Variants in NBAS observed in about 807,000 individuals in gnomAD.
NBAS encodes the protein NBAS subunit of NRZ tethering complex.
Under a neutral mutation model 302.5 loss-of-function variants are expected in NBAS, and 219 were observed. That is an observed-to-expected ratio of 0.72 (90% CI 0.65 to 0.81). NBAS has a LOEUF of 0.81. Among genes scored for constraint, NBAS ranks in the 30% least tolerant of loss-of-function variants. The pLI is 0.00. For synonymous variants in NBAS, 1,118 were observed against 1,021.6 expected, an observed-to-expected ratio of 1.09 and a Z score of -1.80; for missense variants, 2,932 against 2,841.6, an observed-to-expected ratio of 1.03 and a Z score of -0.72.
intron 31 of NBAS, 85 bp downstream of exon 31, chr2:15,374,523 C>A: frequency 8.7e-7 from 1 of 1,144,956 alleles, no homozygotes; most frequent in South Asian, 1.2e-5. Context: ...CAAAGCTACT[C>A]TTTAGTTTTA....
chr2:15,117,528 G>C, the NBAS span, among the ~76,000 whole-genome samples: 1 of 152,086 alleles, frequency 6.6e-6, no homozygotes. Context: ...TCTTGTCCTA[G>C]AGGAAAAAAG....
the NBAS span, among the ~76,000 whole-genome samples, chr2:14,802,357 G>T: frequency 6.6e-6 from 1 of 150,608 alleles, no homozygotes; most frequent in African/African-American, 2.5e-5. Context: ...ATTTCTGAGG[G>T]CTCTGTTCTG....
the NBAS span, among the ~76,000 whole-genome samples, chr2:14,924,056 C>T: frequency 2.0e-5 from 3 of 152,180 alleles, no homozygotes; most frequent in Non-Finnish European, 4.4e-5. Flanking sequence ...AAGAATCTCA[C>T]ACAGAATACA....
At chr2:15,446,554 C>A (rs1475891948) in intron 21 of NBAS, among the ~76,000 whole-genome samples, 4 of 152,050 alleles carry the variant, frequency 2.6e-5, no homozygotes, top group African/African-American at 9.7e-5. Context: ...GTGTTTCAGG[C>A]TGAAGGAAAC....
the NBAS span, among the ~76,000 whole-genome samples, chr2:14,997,421 C>G: frequency 6.6e-6 from 1 of 151,216 alleles, no homozygotes; most frequent in Non-Finnish European, 1.5e-5. Context: ...CAACATTTGC[C>G]CAGCACTGAC....
chr2:15,156,889 A>G, the NBAS span, among the ~76,000 whole-genome samples: 1 of 152,106 alleles, frequency 6.6e-6, no homozygotes, highest in African/African-American at 2.4e-5. Flanking sequence ...AACACCCTCA[A>G]AAAGGTTCTT....
chr2:15,397,277 C>G (rs2148417129), intron 26 of NBAS, among the ~76,000 whole-genome samples: 1 of 152,366 alleles, frequency 6.6e-6, no homozygotes, highest in South Asian at 2.1e-4. Flanking sequence ...CTGAGAAACA[C>G]TGCTGCTGCC....
the NBAS span, among the ~76,000 whole-genome samples, chr2:14,901,720 T>G: frequency 1.3e-5 from 2 of 152,188 alleles, no homozygotes; most frequent in Admixed American, 1.3e-4. Flanking sequence ...TCATTAAACT[T>G]AATTCATCAT....
At chr2:15,312,450 A>T (rs1434328926) in intron 38 of NBAS, among the ~76,000 whole-genome samples, 2 of 151,964 alleles carry the variant, frequency 1.3e-5, no homozygotes, top group Admixed American at 6.6e-5. Context: ...TTGCTTTAAA[A>T]TTTTTTTATA....
At chr2:14,987,933 T>C in the NBAS span, among the ~76,000 whole-genome samples, 4 of 152,110 alleles carry the variant, frequency 2.6e-5, no homozygotes, top group Non-Finnish European at 4.4e-5. Context: ...TTTGAAGTGG[T>C]TTCCAAGCCT....
At chr2:15,226,284 G>A (rs1667149259) in intron 47 of NBAS, among the ~76,000 whole-genome samples, 1 of 152,130 alleles carries the variant, frequency 6.6e-6, no homozygotes, top group African/African-American at 2.4e-5. Flanking sequence ...TGTTCATTAG[G>A]ATTTTTTGTT....
rs2148339578 is a variant in NBAS at position 15,366,579 on chromosome 2, C to T, written c.3817+1G>A. The stretch of plus-strand genomic sequence containing the variant: ...TGCAGTTTAGTACTCAAAAGACTTA[C>T]CTGCAACCCTCAGCAGCTCAGCAAG... On this transcript the variant is annotated splice_donor_variant, in intron 32 of 51. Transcript: ENST00000281513. LOFTEE classifies it high-confidence loss of function. 4 of 1,612,798 alleles carry T rather than the reference C, an allele frequency of 2.5e-6. No individual in the cohort carries two copies. The highest frequency in any genetic ancestry group is 3.4e-6 in the Non-Finnish European group (4 of 1,178,812).
chr2:14,934,184 A>G, the NBAS span, among the ~76,000 whole-genome samples: 1 of 152,168 alleles, frequency 6.6e-6, no homozygotes, highest in Admixed American at 6.5e-5. Context: ...AGTCCACCCC[A>G]TTTTCTCAAC....
At chr2:15,506,925 G>C (rs1332415066) in intron 10 of NBAS, among the ~76,000 whole-genome samples, 1 of 152,198 alleles carries the variant, frequency 6.6e-6, no homozygotes, top group Non-Finnish European at 1.5e-5. Context: ...AATAGTTTCT[G>C]TGAAATGATG....
the NBAS span, among the ~76,000 whole-genome samples, chr2:15,003,801 T>A: frequency 6.6e-6 from 1 of 152,330 alleles, no homozygotes; most frequent in South Asian, 2.1e-4. Flanking sequence ...AAGACAGTCT[T>A]GGCTGTTAAA....
chr2:15,167,164 G>A lies in NBAS; in HGVS notation c.7000C>T (p.Leu2334=), dbSNP rs369691624. ...TCGGCTTCATGGCCGGCCTCCCGCA[G>A]GTGTCTGCCCAGCTCCTCTGCATCC... ...RWDAEELGRH[L]REAGHEAEAG... Residue 2334 remains leucine (L), a synonymous_variant, in exon 52 of 52, where the codon CTG becomes TTG. Transcript: ENST00000281513. The A allele has an allele frequency of 2.8e-5, 46 of 1,614,148 alleles. No homozygotes were observed. The highest frequency in any genetic ancestry group is 3.8e-5 in the Non-Finnish European group (45 of 1,180,056).
At chr2:15,300,289 G>A (rs1272412614) in intron 40 of NBAS, among the ~76,000 whole-genome samples, 1 of 152,224 alleles carries the variant, frequency 6.6e-6, no homozygotes, top group Non-Finnish European at 1.5e-5. Flanking sequence ...TGACAACTGA[G>A]TGAAAGCTAA....
the NBAS span, among the ~76,000 whole-genome samples, chr2:15,007,478 A>T: frequency 6.6e-6 from 1 of 152,202 alleles, no homozygotes; most frequent in Non-Finnish European, 1.5e-5. Flanking sequence ...TATTTGAAGG[A>T]AGCGAAGTTT....
At chr2:15,345,258 C>T (rs1673037488) in intron 35 of NBAS, among the ~76,000 whole-genome samples, 1 of 152,058 alleles carries the variant, frequency 6.6e-6, no homozygotes, top group Non-Finnish European at 1.5e-5. Context: ...TTTAGAAAAC[C>T]CCATTATCTC....
Sources: allele counts gnomAD v4.1 joint callset (sites outside exome capture counted in the v4.1 genomes callset), GRCh38; gene constraint gnomAD v4.1.1; transcripts MANE v1.5; gene names NCBI Gene and HGNC (gene_info 2026-07-23, HGNC 2026-07-21).